Variants in BBOX1 observed in about 807,000 individuals in gnomAD.
The protein encoded by BBOX1 is gamma-butyrobetaine dioxygenase.
A neutral mutation model predicts 41.6 loss-of-function variants in BBOX1; 35 were observed. That is an observed-to-expected ratio of 0.84 (90% CI 0.64 to 1.11). BBOX1 has a LOEUF of 1.11. Among genes scored for constraint, BBOX1 ranks in the 50% most tolerant of loss-of-function variants. The pLI is 0.00. For synonymous variants in BBOX1, 163 were observed against 154.7 expected, an observed-to-expected ratio of 1.05 and a Z score of -0.40; for missense variants, 458 against 460.6, an observed-to-expected ratio of 0.99 and a Z score of 0.05.
chr11:27,119,603 A>G (rs759239485), intron 6 of BBOX1, 46 bp from the exon 7 acceptor site: 1 of 1,046,792 alleles, frequency 9.6e-7, no homozygotes, highest in Non-Finnish European at 1.3e-6. Flanking sequence ...TAATAATTAA[A>G]ATGTAATTTA....
chr11:27,078,638 C>T (rs7934926), intron 4 of BBOX1, among the ~76,000 whole-genome samples: 90,578 of 152,018 alleles, frequency 0.6, 29,741 homozygotes, highest in East Asian at 0.94. Flanking sequence ...AAGAAGAACA[C>T]GTGGACACAG....
chr11:27,066,367 C>G (rs1857279227), intron 4 of BBOX1: 1 of 152,174 alleles, frequency 6.6e-6, no homozygotes, highest in Non-Finnish European at 1.5e-5. Flanking sequence ...ACTTTCTACA[C>G]TGGCTTCAGG....
At chr11:27,087,470 A>G (rs1040137473) in intron 4 of BBOX1, among the ~76,000 whole-genome samples, 1 of 152,008 alleles carries the variant, frequency 6.6e-6, no homozygotes, top group African/African-American at 2.4e-5. Context: ...AGGTATACAT[A>G]TTTTTCAGAT....
At chr11:27,052,179 C>T (rs4923415) in intron 2 of BBOX1, among the ~76,000 whole-genome samples, 27,126 of 151,842 alleles carry the variant, frequency 0.18, 2,595 homozygotes, top group Middle Eastern at 0.25. Flanking sequence ...ATATTTCATA[C>T]AATTGCAAAG....
intron 5 of BBOX1, among the ~76,000 whole-genome samples, chr11:27,114,040 A>ATG (rs1468322920): frequency 1.3e-5 from 2 of 151,934 alleles, no homozygotes; most frequent in Non-Finnish European, 2.9e-5. Context: ...ACTAAAGCTA[A>ATG]TGAATGAATT....
intron 5 of BBOX1, among the ~76,000 whole-genome samples, chr11:27,111,902 T>C (rs1859079604): frequency 6.6e-6 from 1 of 151,974 alleles, no homozygotes; most frequent in South Asian, 2.1e-4. Flanking sequence ...TGGTATTTCA[T>C]TGTTTGAAAT....
intron 4 of BBOX1, among the ~76,000 whole-genome samples, chr11:27,085,861 AC>A (rs2134025785): frequency 1.3e-5 from 2 of 152,270 alleles, no homozygotes; most frequent in South Asian, 4.1e-4. Context: ...TCCAGTAAAC[AC>A]ACAAATGATA....
At chr11:27,082,751 A>G (rs1221658189) in intron 4 of BBOX1, among the ~76,000 whole-genome samples, 1 of 152,190 alleles carries the variant, frequency 6.6e-6, no homozygotes, top group African/African-American at 2.4e-5. Flanking sequence ...ATAAGTGCTC[A>G]ATAAACGTTA....
intron 3 of BBOX1, 58 bp from the exon 4 acceptor site, chr11:27,057,143 A>T (rs1156584811): frequency 1.8e-6 from 2 of 1,123,454 alleles, no homozygotes; most frequent in Admixed American, 5.2e-5. Flanking sequence ...AAAACAGAGC[A>T]ATAGTGGAGA....
chr11:27,115,323 A>G, intron 5 of BBOX1, 129 bp from the exon 6 acceptor site: 1 of 685,620 alleles, frequency 1.5e-6, no homozygotes, highest in Non-Finnish European at 2.4e-6. Context: ...TGTCTCACTC[A>G]TAGTCATTAT....
At position 27,063,270 on chromosome 11, in the gene BBOX1, C is replaced by A. The variant is rs181560091; in HGVS notation, c.334+5955C>A. On this transcript the variant is annotated intron_variant, in intron 4 of 8. Transcript: ENST00000263182. The stretch of plus-strand genomic sequence containing the variant: ...GGAAGACTTTAAATCATATTAGAGA[C>A]AAGGTTTTTATGTACTAATTATAAT... Among the ~76,000 whole-genome samples the A allele has an allele frequency of 6.3e-3, 955 of 152,066 alleles. 13 individuals carry two copies. The highest frequency in any genetic ancestry group is 0.022 in the African/African-American group (901 of 41,474).
intron 5 of BBOX1, among the ~76,000 whole-genome samples, chr11:27,094,451 G>A (rs1022908003): frequency 1.7e-4 from 26 of 151,918 alleles, no homozygotes; most frequent in Admixed American, 2.6e-4. Flanking sequence ...GGAATTAGTC[G>A]TTACCACTTG....
At chr11:27,081,714 T>C (rs953089818) in intron 4 of BBOX1, among the ~76,000 whole-genome samples, 1 of 152,140 alleles carries the variant, frequency 6.6e-6, no homozygotes. Context: ...CTCTCTAGCA[T>C]CTGTTGTTTC....
At chr11:27,111,931 T>C (rs1473760103) in intron 5 of BBOX1, among the ~76,000 whole-genome samples, 4 of 151,860 alleles carry the variant, frequency 2.6e-5, no homozygotes, top group Non-Finnish European at 5.9e-5. Context: ...AATTAATGGA[T>C]ATAGCCATTG....
At chr11:27,079,287 A>G (rs1342598732) in intron 4 of BBOX1, among the ~76,000 whole-genome samples, 1 of 152,200 alleles carries the variant, frequency 6.6e-6, no homozygotes. Flanking sequence ...AAGACTGGTC[A>G]ATTATGAACC....
At chr11:27,121,254 C>G (rs951169715) in intron 7 of BBOX1, among the ~76,000 whole-genome samples, 6 of 152,034 alleles carry the variant, frequency 3.9e-5, no homozygotes. Context: ...ACCAGTGTGA[C>G]TGGAACAGAG....
intron 5 of BBOX1, among the ~76,000 whole-genome samples, chr11:27,094,914 G>A (rs1002872604): frequency 2.0e-5 from 3 of 151,950 alleles, no homozygotes; most frequent in Non-Finnish European, 4.4e-5. Flanking sequence ...GAAAGAGGGG[G>A]AAAAGTCTCA....
At chr11:27,112,985 G>A (rs1158006013) in intron 5 of BBOX1, among the ~76,000 whole-genome samples, 1 of 151,880 alleles carries the variant, frequency 6.6e-6, no homozygotes, top group African/African-American at 2.4e-5. Context: ...ATTAATAAGT[G>A]GGCAAAAAAC....
At chr11:27,048,201 G>A (rs1275721321) in intron 2 of BBOX1, among the ~76,000 whole-genome samples, 1 of 152,020 alleles carries the variant, frequency 6.6e-6, no homozygotes, top group Non-Finnish European at 1.5e-5. Context: ...TTGTACATCG[G>A]ATCTCCAGAA....
Sources: gnomAD v4.1 joint callset for allele counts (sites outside exome capture counted in the v4.1 genomes callset) on GRCh38, gnomAD v4.1.1 for gene constraint, MANE v1.5 for transcripts, NCBI Gene and HGNC (gene_info 2026-07-23, HGNC 2026-07-21) for gene names.